The following TRIM66 variants were observed in gnomAD, a reference collection of about 807,000 sequenced individuals.
TRIM66 encodes the protein tripartite motif containing 66, also known as tripartite motif-containing protein 66.
Under a neutral mutation model 148.2 loss-of-function variants are expected in TRIM66, and 99 were observed. The ratio of observed to expected loss-of-function variants is 0.67; its 90% CI spans 0.57 to 0.79. The LOEUF is 0.79. Among genes scored for constraint, TRIM66 ranks in the 30% least tolerant of loss-of-function variants. The pLI, the probability that TRIM66 is intolerant of heterozygous loss-of-function variation, is 0.00. For synonymous variants in TRIM66, 616 were observed against 635.9 expected (o/e 0.97, Z 0.47); for missense variants, 1,666 against 1,697.9 (o/e 0.98, Z 0.33).
intron 13 of TRIM66, among the ~76,000 whole-genome samples, chr11:8,641,623 AG>A (rs2036400762): frequency 6.6e-6 from 1 of 152,134 alleles, no homozygotes; most frequent in African/African-American, 2.4e-5. Context: ...GTAGGACGGA[AG>A]AGAGTGGGGA....
In TRIM66 at chr11:8,622,903, G is replaced by C. The variant is rs765027437; in HGVS notation, c.3020-27C>G. The C allele has an allele frequency of 5.2e-6, 8 of 1,548,020 alleles. No individual in the cohort carries two copies. In the South Asian group the frequency reaches 9.5e-5, roughly 18 times the overall value. ...TAAGGCAAAAGACAAACAAATACCT[G>C]TGACACACATTTGTGGCAACAAACC... On this transcript the variant is annotated intron_variant, in intron 17 of 24. Transcript: ENST00000646038.
At chr11:8,676,301 C>A (rs2039174039) in intron 3 of TRIM66, among the ~76,000 whole-genome samples, 1 of 151,596 alleles carries the variant, frequency 6.6e-6, no homozygotes, top group Non-Finnish European at 1.5e-5. Context: ...CAGTTTGGTG[C>A]CCAAAACATC....
At position 8,667,670 on chromosome 11, in the gene TRIM66, C is replaced by G. The variant is rs559693690; in HGVS notation, c.340+4116G>C. ...GTAACCAGAATCATACAGTACTTGC[C>G]CTGTTATGACAGGCTTACCTCATTT... On this transcript the variant is annotated intron_variant, in intron 6 of 24. Transcript: ENST00000646038. Among the ~76,000 whole-genome samples, 18 of 152,294 alleles carry G rather than the reference C, an allele frequency of 1.2e-4. No individual in the cohort carries two copies. The East Asian group carries it at 2.9e-3, about 24-fold the overall frequency.
intron 13 of TRIM66, 82 bp downstream of exon 13, chr11:8,642,927 T>A: frequency 1.4e-6 from 1 of 693,012 alleles, no homozygotes. Context: ...CTCTTGGGCA[T>A]ATGCTGACCT....
Position 8,654,282 on chromosome 11 carries a change from G to A in TRIM66, c.341-2379C>T, listed in dbSNP as rs151240328. On this transcript the variant is annotated intron_variant, in intron 6 of 24. Coordinates refer to ENST00000646038, the MANE Select transcript of TRIM66 (RefSeq NM_001388022.1). ...TTTAGCTTTGCCTAACATACAACCT[G>A]TGTTTTTGCCATGCCCAACATCTCT... 1.7e-3 allele frequency among the ~76,000 whole-genome samples: 266 copies of A among 152,274 alleles called. 9 individuals are homozygous for A. The East Asian group carries it at 0.041, about 24-fold the overall frequency.
At chr11:8,682,425 C>G (rs1306277213) in intron 1 of TRIM66, 176 bp downstream of exon 1, 1 of 276,274 alleles carries the variant, frequency 3.6e-6, no homozygotes, top group Non-Finnish European at 7.1e-6. Context: ...TCAGGGCTGG[C>G]GCATTTGGTG....
chr11:8,657,762 A>G (rs1053270632), intron 6 of TRIM66, among the ~76,000 whole-genome samples: 1 of 151,946 alleles, frequency 6.6e-6, no homozygotes, highest in African/African-American at 2.4e-5. Flanking sequence ...CCTCCAACCC[A>G]CCACTCAGAG....
intron 17 of TRIM66, 138 bp downstream of exon 17, chr11:8,624,221 G>T: frequency 1.0e-6 from 1 of 969,226 alleles, no homozygotes. Context: ...TTCCGGAGGA[G>T]AGAAGTAAAT....
At chr11:8,651,755 G>C in intron 7 of TRIM66, 45 bp downstream of exon 7, 1 of 1,479,802 alleles carries the variant, frequency 6.8e-7, no homozygotes, top group Non-Finnish European at 9.2e-7. Flanking sequence ...GGGCCTCACA[G>C]ATTTCTGAAA....
chr11:8,613,880 GGGGA>G lies in TRIM66; in HGVS notation c.*4060_*4063del, dbSNP rs2033555840. ...GGAGGACAAAGATGGAGGCATGGGT[GGGGA>G]AAAAAAAAGGGATCACAACAAGTTA... On this transcript the variant is annotated 3_prime_UTR_variant, in exon 25 of 25. Transcript: ENST00000646038. 6.6e-6 allele frequency: 1 copy of G among 151,610 alleles called. No individual in the cohort carries two copies. Among genetic ancestry groups the G allele is most frequent in the African/African-American group, 2.4e-5 (1 of 41,278 alleles). 9.4% of individuals were successfully genotyped at this position (151,610 alleles called of 1,614,324 possible). A position where few individuals can be genotyped will look rare whatever the true frequency, so the allele number is the denominator to read the frequency against.
Position 8,622,864 on chromosome 11 carries a change from A to G in TRIM66, c.3032T>C (p.Phe1011Ser). 6.4e-7 allele frequency: 1 copy of G among 1,551,946 alleles called. No homozygotes were observed. The highest frequency in any genetic ancestry group is 8.7e-7 in the Non-Finnish European group (1 of 1,147,052). ...QYQNPKECEN[F>S]EQGALELDAK... ...ATCCAGCTCTAGGGCTCCTTGTTCA[A>G]AATTCTCACACTCTAAGGCAAAAGA... The change falls in exon 18 of 25, where the codon TTT becomes TCT. Residue 1011 changes from phenylalanine to serine, a missense_variant. Physicochemically the swap from Phe to Ser is radical, Grantham distance 155 (BLOSUM62 -2). Coordinates refer to ENST00000646038, the MANE Select transcript of TRIM66 (RefSeq NM_001388022.1).
At position 8,617,799 on chromosome 11, in the gene TRIM66, G is replaced by T; in HGVS notation, c.*145C>A. 1.4e-6 allele frequency: 1 copy of T among 723,972 alleles called. No individual in the cohort carries two copies. The highest frequency in any genetic ancestry group is 2.3e-6 in the Non-Finnish European group (1 of 425,870). The allele number at this position is 723,972 out of a possible 1,614,324, so 44.8% of individuals were successfully genotyped here. On this transcript the variant is annotated 3_prime_UTR_variant, in exon 25 of 25. Transcript: ENST00000646038. ...CTACGGCTCCCAAATAAATGCTGTA[G>T]ATGCAAATGGCAAAGAAGAGCACTA... is the stretch of plus-strand genomic sequence containing the variant.
At chr11:8,646,607 T>A in intron 10 of TRIM66, 46 bp from the exon 11 acceptor site, 1 of 1,459,208 alleles carries the variant, frequency 6.9e-7, no homozygotes, top group Non-Finnish European at 9.4e-7. Context: ...CCTCATGGAC[T>A]ATATGAAGAC....
rs1555042270 is a variant in TRIM66 at position 8,628,636 on chromosome 11, A to AAAAAGAGAGAG, written c.2311-3409_2311-3408insCTCTCTCTTTT. 1.9e-3 allele frequency among the ~76,000 whole-genome samples: 179 copies of AAAAAGAGAGAG among 93,336 alleles called. 9 individuals are homozygous for AAAAAGAGAGAG. The highest frequency in any genetic ancestry group is 3.4e-3 in the Non-Finnish European group (145 of 42,946). 61.2% of individuals were successfully genotyped at this position (93,336 alleles called of 152,430 possible). The stretch of plus-strand genomic sequence containing the variant: ...TCAAAAAAAAAAAAAAAAAAAAAAA[A>AAAAAGAGAGAG]AGAGAGAGAATCCAGATCTTTGGTA... On this transcript the variant is annotated intron_variant, in intron 15 of 24. Transcript: ENST00000646038.
At chr11:8,629,297 C>G (rs2035166686) in intron 15 of TRIM66, among the ~76,000 whole-genome samples, 1 of 152,192 alleles carries the variant, frequency 6.6e-6, no homozygotes, top group South Asian at 2.1e-4. Context: ...CAGTCTAATC[C>G]TTTGCACTGG....
intron 6 of TRIM66, among the ~76,000 whole-genome samples, chr11:8,664,271 AT>A (rs888338401): frequency 1.3e-5 from 2 of 152,154 alleles, no homozygotes; most frequent in South Asian, 4.1e-4. Context: ...TCAGTTAAAA[AT>A]TTTTTTAATT....
chr11:8,644,367 G>T, intron 12 of TRIM66: 1 of 449,334 alleles, frequency 2.2e-6, no homozygotes, highest in Non-Finnish European at 4.5e-6. Context: ...TGCACTCAAT[G>T]ACCATTTAAA....
intron 24 of TRIM66, 56 bp from the exon 25 acceptor site, chr11:8,618,059 A>G: frequency 6.7e-7 from 1 of 1,488,438 alleles, no homozygotes; most frequent in South Asian, 1.2e-5. Flanking sequence ...ATTTATTAAC[A>G]TGAAAAGGCT....
chr11:8,668,989 A>G, intron 6 of TRIM66, among the ~76,000 whole-genome samples: 1 of 152,218 alleles, frequency 6.6e-6, no homozygotes, highest in East Asian at 1.9e-4. Flanking sequence ...CAGTGGTTAA[A>G]GTAAGTCATA....
Sources: gnomAD v4.1 joint callset for allele counts (sites outside exome capture counted in the v4.1 genomes callset) on GRCh38, gnomAD v4.1.1 for gene constraint, MANE v1.5 for transcripts, NCBI Gene and HGNC (gene_info 2026-07-23, HGNC 2026-07-21) for gene names.